The following GALNTL6 variants were observed in gnomAD, a reference collection of about 807,000 sequenced individuals.
GALNTL6 encodes polypeptide N-acetylgalactosaminyltransferase-like 6.
A neutral mutation model predicts 73.7 loss-of-function variants in GALNTL6; 46 were observed. The observed-to-expected ratio is 0.62, with a 90% CI of 0.49 to 0.80. GALNTL6 has a LOEUF of 0.80. Ranked by LOEUF, GALNTL6 falls within the 30% of genes least tolerant of loss-of-function variation. GALNTL6 has a pLI of 0.00. For missense variants in GALNTL6, 604 were observed against 755.0 expected (o/e 0.80, Z 2.34); for synonymous variants, 259 against 263.7 (o/e 0.98, Z 0.17).
chr4:171,875,063 C>T (rs775814231), intron 2 of GALNTL6, among the ~76,000 whole-genome samples: 11 of 152,064 alleles, frequency 7.2e-5, no homozygotes, highest in Non-Finnish European at 1.5e-4. Context: ...TAGATGGGTT[C>T]AAAGGAATGA....
At chr4:172,851,346 A>G (rs1418444736) in intron 7 of GALNTL6, among the ~76,000 whole-genome samples, 2 of 152,092 alleles carry the variant, frequency 1.3e-5, no homozygotes, top group African/African-American at 4.8e-5. Flanking sequence ...ACAAGGGTTT[A>G]GAAGCTTTGT....
intron 5 of GALNTL6, among the ~76,000 whole-genome samples, chr4:172,760,185 A>G (rs1366816763): frequency 1.3e-5 from 2 of 152,132 alleles, no homozygotes; most frequent in Admixed American, 6.5e-5. Flanking sequence ...GAATGGGGCC[A>G]GTCAACCACC....
At chr4:172,099,467 A>G (rs1732450808) in intron 2 of GALNTL6, among the ~76,000 whole-genome samples, 2 of 152,180 alleles carry the variant, frequency 1.3e-5, no homozygotes, top group Non-Finnish European at 1.5e-5. Flanking sequence ...AACCATGTCA[A>G]TGTAGCCTTT....
intron 7 of GALNTL6, among the ~76,000 whole-genome samples, chr4:172,849,784 CTGTT>C (rs1005733897): frequency 2.6e-5 from 4 of 152,148 alleles, no homozygotes; most frequent in Non-Finnish European, 5.9e-5. Context: ...GTTTGTCAAA[CTGTT>C]TGATTTGTCG....
intron 7 of GALNTL6, among the ~76,000 whole-genome samples, chr4:172,825,928 C>A (rs982072837): frequency 1.6e-4 from 24 of 152,178 alleles, no homozygotes; most frequent in African/African-American, 5.8e-4. Context: ...CTTAACACTG[C>A]TCCAAGAATT....
intron 8 of GALNTL6, among the ~76,000 whole-genome samples, chr4:172,889,262 C>G (rs992696407): frequency 2.6e-5 from 4 of 152,172 alleles, no homozygotes; most frequent in African/African-American, 9.6e-5. Flanking sequence ...TTCTTTTGCC[C>G]AAATGCTCTA....
chr4:172,434,217 G>C (rs1246004693), intron 5 of GALNTL6, among the ~76,000 whole-genome samples: 1 of 152,028 alleles, frequency 6.6e-6, no homozygotes, highest in African/African-American at 2.4e-5. Context: ...GCTTAAGAGA[G>C]TTCTTGTATA....
intron 2 of GALNTL6, among the ~76,000 whole-genome samples, chr4:171,839,570 G>C (rs1376444865): frequency 6.6e-6 from 1 of 151,426 alleles, no homozygotes; most frequent in Non-Finnish European, 1.5e-5. Context: ...ATACATACCT[G>C]TACACACACA....
intron 4 of GALNTL6, among the ~76,000 whole-genome samples, chr4:172,314,043 C>T (rs1740459817): frequency 6.6e-6 from 1 of 152,206 alleles, no homozygotes; most frequent in Admixed American, 6.5e-5. Flanking sequence ...TTGACTTCAT[C>T]TGTGCTTCAC....
rs919223639 is a variant in GALNTL6, at chr4:172,292,333, A to G, written c.248-19281A>G. Reference sequence around the variant, plus strand: ...CTGTTCTTTAAGCAGAAAAAAAGAAAATTATTGAAGGCAAATTTAGTGGCA... The same window carrying G: ...CTGTTCTTTAAGCAGAAAAAAAGAAGATTATTGAAGGCAAATTTAGTGGCA... On this transcript the variant is annotated intron_variant, in intron 3 of 12. Coordinates refer to ENST00000506823, the MANE Select transcript of GALNTL6 (RefSeq NM_001034845.3). Among the ~76,000 whole-genome samples, 24 of 152,274 alleles carry G rather than the reference A, an allele frequency of 1.6e-4. No homozygotes were observed. In the East Asian group the frequency reaches 4.6e-3, roughly 29 times the overall value.
chr4:172,031,134 A>G (rs960029630), intron 2 of GALNTL6, among the ~76,000 whole-genome samples: 1 of 152,168 alleles, frequency 6.6e-6, no homozygotes, highest in African/African-American at 2.4e-5. Flanking sequence ...TATCATGATG[A>G]CAGCCGTTTC....
intron 2 of GALNTL6, among the ~76,000 whole-genome samples, chr4:172,177,861 A>ACATATATATGTG (rs1387400883): frequency 6.8e-6 from 1 of 147,984 alleles, no homozygotes. Flanking sequence ...ATATACACAC[A>ACATATATATGTG]TACTAAGGCA....
intron 5 of GALNTL6, among the ~76,000 whole-genome samples, chr4:172,407,465 G>A (rs892888537): frequency 1.3e-5 from 2 of 152,020 alleles, no homozygotes; most frequent in African/African-American, 4.8e-5. Context: ...TGTCTACTAT[G>A]TGCAAATGTA....
chr4:172,339,508 G>A (rs944733941), intron 4 of GALNTL6, among the ~76,000 whole-genome samples: 7 of 152,126 alleles, frequency 4.6e-5, no homozygotes, highest in East Asian at 1.9e-4. Context: ...CACTCCAATC[G>A]CTGGCCTGAG....
chr4:171,949,226 T>A (rs951296084), intron 2 of GALNTL6, among the ~76,000 whole-genome samples: 1 of 152,278 alleles, frequency 6.6e-6, no homozygotes, highest in Admixed American at 6.5e-5. Context: ...ACCAAAGGAC[T>A]GTGTCATCAG....
In GALNTL6 at chr4:172,736,596, A is replaced by C. The variant is rs533380901; in HGVS notation, c.554-72765A>C. 6.1e-4 allele frequency among the ~76,000 whole-genome samples: 93 copies of C among 152,360 alleles called. 2 individuals are homozygous for C. The East Asian group carries it at 0.014, about 23-fold the overall frequency. The stretch of plus-strand genomic sequence containing the variant: ...CTCAGCTTATGAAGATGACGGGATT[A>C]AGAGATTAAAGTAAAGACAGGCATA... On this transcript the variant is annotated intron_variant, in intron 5 of 12. Transcript: ENST00000506823.
At chr4:173,002,267 G>A (rs918157967) in intron 10 of GALNTL6, among the ~76,000 whole-genome samples, 2 of 151,884 alleles carry the variant, frequency 1.3e-5, no homozygotes, top group Non-Finnish European at 2.9e-5. Context: ...GTGCACACCT[G>A]TAGTCCCAGC....
chr4:172,871,938 C>T (rs943367827), intron 7 of GALNTL6, among the ~76,000 whole-genome samples: 1 of 152,030 alleles, frequency 6.6e-6, no homozygotes. Context: ...GGATTACAGG[C>T]ATGCGCCACC....
chr4:172,907,912 C>T (rs972328365), intron 8 of GALNTL6, among the ~76,000 whole-genome samples: 1 of 152,144 alleles, frequency 6.6e-6, no homozygotes, highest in Admixed American at 6.6e-5. Flanking sequence ...AAAGGAAGCA[C>T]TTTACAGCTT....
Sources: gnomAD v4.1 joint callset for allele counts (sites outside exome capture counted in the v4.1 genomes callset) on GRCh38, gnomAD v4.1.1 for gene constraint, MANE v1.5 for transcripts, NCBI Gene and HGNC (gene_info 2026-07-23, HGNC 2026-07-21) for gene names.